Variants in WASHC3 observed in about 807,000 individuals in gnomAD.
WASHC3 encodes WASH complex subunit CCDC53.
In WASHC3, 24 loss-of-function variants were observed where a neutral mutation model predicts 26.1. The ratio of observed to expected loss-of-function variants is 0.92; its 90% CI spans 0.66 to 1.29. The LOEUF is 1.29. Ranked by LOEUF, WASHC3 falls within the 50% of genes most tolerant of loss-of-function variation. The pLI is 0.00. For missense variants in WASHC3, 214 were observed against 229.6 expected (o/e 0.93, Z 0.44); for synonymous variants, 77 against 75.7 (o/e 1.02, Z -0.09).
At chr12:102,051,057 G>T (rs2136683638) in intron 2 of WASHC3, among the ~76,000 whole-genome samples, 1 of 152,336 alleles carries the variant, frequency 6.6e-6, no homozygotes, top group East Asian at 1.9e-4. Flanking sequence ...TTCACAGAAT[G>T]CAGTTTTATA....
chr12:102,038,400 A>T lies in WASHC3; in HGVS notation c.435+1468T>A, dbSNP rs73382849. ...CATAAAGATTTCAGGGCATTTTTAC[A>T]GAGTATCACCTAGTAGATTTTCCTG... On this transcript the variant is annotated intron_variant, in intron 5 of 6. Transcript: ENST00000240079. Among the ~76,000 whole-genome samples, 512 of 152,350 alleles carry T rather than the reference A, an allele frequency of 3.4e-3. 2 individuals carry two copies. The highest frequency in any genetic ancestry group is 0.011 in the African/African-American group (478 of 41,582).
intron 2 of WASHC3, among the ~76,000 whole-genome samples, chr12:102,060,657 A>G (rs1194331164): frequency 6.6e-6 from 1 of 152,158 alleles, no homozygotes; most frequent in Non-Finnish European, 1.5e-5. Flanking sequence ...AACTGTTTTC[A>G]ACTGTGAAAT....
At chr12:102,041,799 C>T (rs995352137) in intron 4 of WASHC3, among the ~76,000 whole-genome samples, 12 of 152,128 alleles carry the variant, frequency 7.9e-5, no homozygotes, top group East Asian at 7.7e-4. Context: ...GTATTTCAAA[C>T]TTTGGAAGCC....
At chr12:102,057,817 T>A (rs1878651328) in intron 2 of WASHC3, among the ~76,000 whole-genome samples, 1 of 152,056 alleles carries the variant, frequency 6.6e-6, no homozygotes, top group Non-Finnish European at 1.5e-5. Flanking sequence ...ATGAATGTTG[T>A]TACAAGGTTG....
chr12:102,030,104 T>C (rs898026764), intron 5 of WASHC3, among the ~76,000 whole-genome samples: 3 of 152,062 alleles, frequency 2.0e-5, no homozygotes, highest in African/African-American at 7.2e-5. Context: ...GAGACCAGCC[T>C]GACCAACATG....
At chr12:102,044,260 A>T (rs1254332077) in intron 3 of WASHC3, 48 bp from the exon 4 acceptor site, 1 of 870,264 alleles carries the variant, frequency 1.1e-6, no homozygotes, top group East Asian at 2.9e-5. Flanking sequence ...TACTTGCATA[A>T]ATAAACACTA....
chr12:102,058,631 G>A (rs1878684403), intron 2 of WASHC3, among the ~76,000 whole-genome samples: 2 of 151,996 alleles, frequency 1.3e-5, no homozygotes, highest in Non-Finnish European at 1.5e-5. Context: ...AGCTATTATA[G>A]AAAATAGTAC....
intron 6 of WASHC3, among the ~76,000 whole-genome samples, chr12:102,014,317 C>T (rs1406652917): frequency 2.0e-5 from 3 of 148,036 alleles, no homozygotes; most frequent in South Asian, 2.2e-4. Flanking sequence ...GTGATCCACC[C>T]GCTCTGGCCT....
intron 2 of WASHC3, among the ~76,000 whole-genome samples, chr12:102,047,636 G>A (rs777880131): frequency 6.6e-6 from 1 of 151,942 alleles, no homozygotes; most frequent in Non-Finnish European, 1.5e-5. Context: ...CAATTCACTA[G>A]AGAAAAAATT....
At position 102,046,069 on chromosome 12, in the gene WASHC3, A is replaced by T. The variant is rs985250381; in HGVS notation, c.201T>A (p.Asn67Lys). The T allele has an allele frequency of 2.5e-6, 4 of 1,592,770 alleles. No individual in the cohort carries two copies. The highest frequency in any genetic ancestry group is 2.6e-6 in the Non-Finnish European group (3 of 1,165,556). The part of the protein sequence containing the change: ...LRIQQIETTL[N>K]ILDAKLSSIP... ...AAATACCAACCTTTGCATCTAAAAT[A>T]TTGAGAGTTGTTTCAATTTGTTGGA... The change falls in exon 3 of 7, where the codon AAT becomes AAA. Residue 67 changes from asparagine (N) to lysine (K), a missense_variant. Physicochemically the swap from Asn to Lys is moderately conservative, Grantham distance 94 (BLOSUM62 0). Coordinates refer to ENST00000240079, the MANE Select transcript of WASHC3 (RefSeq NM_016053.4).
At chr12:102,018,335 G>C (rs558575185) in intron 6 of WASHC3, among the ~76,000 whole-genome samples, 2 of 152,284 alleles carry the variant, frequency 1.3e-5, no homozygotes, top group Admixed American at 6.5e-5. Context: ...CCCAAAAGTG[G>C]AAGTGCTGAA....
At chr12:102,031,881 A>G (rs1877453235) in intron 5 of WASHC3, among the ~76,000 whole-genome samples, 1 of 152,200 alleles carries the variant, frequency 6.6e-6, no homozygotes, top group Non-Finnish European at 1.5e-5. Flanking sequence ...ATGAACCAGT[A>G]GCTCCTCCTT....
chr12:102,046,364 C>T (rs950672172), intron 2 of WASHC3, among the ~76,000 whole-genome samples: 3 of 151,774 alleles, frequency 2.0e-5, no homozygotes, highest in South Asian at 2.1e-4. Flanking sequence ...GGTGCGATCT[C>T]GGCTCCCTGC....
chr12:102,036,033 T>C (rs551950146), intron 5 of WASHC3, among the ~76,000 whole-genome samples: 3 of 152,256 alleles, frequency 2.0e-5, no homozygotes, highest in African/African-American at 4.8e-5. Context: ...GGAGCTTATA[T>C]AGGGAATGGT....
chr12:102,026,016 C>G lies in WASHC3; in HGVS notation c.458G>C (p.Arg153Thr), dbSNP rs868664208. 1 of 1,547,750 alleles carries G rather than the reference C, an allele frequency of 6.5e-7. No individual in the cohort carries two copies. Among genetic ancestry groups the G allele is most frequent in the Non-Finnish European group, 8.8e-7 (1 of 1,137,530 alleles). ...TAGTCCTTCTGATATCATTTTGTTT[C>G]TTATTGCCATCACTGGTACACCCTA... is the stretch of plus-strand genomic sequence containing the variant. The part of the protein sequence containing the change: ...VQVGVPVMAI[R>T]NKMISEGLDP... Residue 153 changes from arginine to threonine, a missense_variant, in exon 6 of 7, where the codon AGA (arginine) becomes ACA (threonine). Arg to Thr is a moderately conservative substitution (Grantham distance 71). Transcript: ENST00000240079.
intron 4 of WASHC3, 149 bp from the exon 5 acceptor site, chr12:102,040,127 T>C (rs77610798): frequency 0.029 from 11,376 of 391,826 alleles, 242 homozygotes; most frequent in African/African-American, 0.069. Flanking sequence ...TAATTTAATA[T>C]GAGATATGTT....
intron 5 of WASHC3, among the ~76,000 whole-genome samples, chr12:102,038,327 T>C (rs1877764942): frequency 6.6e-6 from 1 of 152,210 alleles, no homozygotes; most frequent in Non-Finnish European, 1.5e-5. Context: ...TCTTATAAAA[T>C]TGAAGACAAT....
At position 102,025,940 on chromosome 12, in the gene WASHC3, G is replaced by T. The variant is rs768195271; in HGVS notation, c.500+34C>A. ...TATAACTGACAAATTCAATGTCCTG[G>T]CAATAATATCATTATATTAGAAGAA... is the stretch of plus-strand genomic sequence containing the variant. On this transcript the variant is annotated intron_variant, in intron 6 of 6. Coordinates refer to ENST00000240079, the MANE Select transcript of WASHC3 (RefSeq NM_016053.4). 2.0e-5 allele frequency: 20 copies of T among 1,000,262 alleles called. 2 individuals carry two copies. The South Asian group carries it at 2.6e-4, about 13-fold the overall frequency. 62.0% of individuals were successfully genotyped at this position (1,000,262 alleles called of 1,614,324 possible). A position where few individuals can be genotyped will look rare whatever the true frequency, so the allele number is the denominator to read the frequency against.
At chr12:102,025,902 G>C (rs1045979558) in intron 6 of WASHC3, 72 bp downstream of exon 6, 2 of 799,512 alleles carry the variant, frequency 2.5e-6, no homozygotes, top group African/African-American at 3.5e-5. Context: ...CAGAGAATTT[G>C]AAATATTTTT....
Sources: gnomAD v4.1 joint callset for allele counts (sites outside exome capture counted in the v4.1 genomes callset) on GRCh38, gnomAD v4.1.1 for gene constraint, MANE v1.5 for transcripts, NCBI Gene and HGNC (gene_info 2026-07-23, HGNC 2026-07-21) for gene names.